The following PALM2AKAP2 variants were observed in gnomAD, a reference collection of about 807,000 sequenced individuals.
PALM2AKAP2 encodes the protein PALM2 and AKAP2 fusion, also known as PALM2-AKAP2 fusion protein.
Under a neutral mutation model 71.5 loss-of-function variants are expected in PALM2AKAP2, and 37 were observed. The observed-to-expected ratio is 0.52, with a 90% confidence interval of 0.40 to 0.68. PALM2AKAP2 has a LOEUF of 0.68. Ranked by LOEUF, PALM2AKAP2 falls within the 30% of genes least tolerant of loss-of-function variation. PALM2AKAP2 has a pLI of 0.00. For synonymous variants in PALM2AKAP2, 468 were observed against 478.8 expected, an observed-to-expected ratio of 0.98 and a Z score of 0.29; for missense variants, 1,224 against 1,191.8, an observed-to-expected ratio of 1.03 and a Z score of -0.40.
chr9:109,646,946 G>A (rs1304135141), intron 1 of PALM2AKAP2, among the ~76,000 whole-genome samples: 1 of 152,198 alleles, frequency 6.6e-6, no homozygotes, highest in East Asian at 1.9e-4. Flanking sequence ...TATGATGAAA[G>A]TAATGTATGC....
In PALM2AKAP2 at chr9:110,021,210, T is replaced by C. The variant is rs111921750; in HGVS notation, c.582+5171T>C. 3.7e-3 allele frequency among the ~76,000 whole-genome samples: 569 copies of C among 152,256 alleles called. 5 individuals are homozygous for C. Among genetic ancestry groups the C allele is most frequent in the African/African-American group, 0.013 (548 of 41,548 alleles). On this transcript the variant is annotated intron_variant, in intron 7 of 9. Transcript: ENST00000302798. ...TATAAGAGACAAAAGAGGATACTCA[T>C]ATACACAGAAGGCCATGTAAGGGGA...
intron 3 of PALM2AKAP2, among the ~76,000 whole-genome samples, chr9:109,915,787 A>C (rs1001009831): frequency 6.6e-6 from 1 of 152,126 alleles, no homozygotes; most frequent in Non-Finnish European, 1.5e-5. Context: ...GTATTATAAT[A>C]ATTATTATCA....
chr9:109,833,407 G>A (rs1295517844), intron 1 of PALM2AKAP2, among the ~76,000 whole-genome samples: 1 of 152,128 alleles, frequency 6.6e-6, no homozygotes, highest in African/African-American at 2.4e-5. Context: ...GTGCTGTGTA[G>A]TGAGCACCAT....
chr9:110,054,168 G>A (rs187306019), intron 1 of PALM2AKAP2, among the ~76,000 whole-genome samples: 3 of 152,346 alleles, frequency 2.0e-5, no homozygotes, highest in African/African-American at 2.4e-5. Context: ...GGGAGGCCGA[G>A]GTGGGTGAAT....
intron 1 of PALM2AKAP2, among the ~76,000 whole-genome samples, chr9:109,809,492 T>C (rs1389765934): frequency 6.6e-6 from 1 of 152,248 alleles, no homozygotes; most frequent in Non-Finnish European, 1.5e-5. Flanking sequence ...ATTTACCTAA[T>C]GCCTGTACCC....
At chr9:109,842,149 A>G (rs889109593) in intron 1 of PALM2AKAP2, among the ~76,000 whole-genome samples, 1 of 152,102 alleles carries the variant, frequency 6.6e-6, no homozygotes, top group African/African-American at 2.4e-5. Flanking sequence ...CTTCCCTAAG[A>G]GGGTTGTTGT....
intron 2 of PALM2AKAP2, among the ~76,000 whole-genome samples, chr9:109,868,837 G>T (rs576131745): frequency 8.7e-4 from 133 of 152,222 alleles, no homozygotes; most frequent in African/African-American, 2.9e-3. Context: ...CTGTATCCCC[G>T]GTGCTGTTGC....
At chr9:110,142,741 G>C (rs1836065267) in intron 2 of PALM2AKAP2, among the ~76,000 whole-genome samples, 1 of 152,222 alleles carries the variant, frequency 6.6e-6, no homozygotes, top group South Asian at 2.1e-4. Context: ...GCACATTTGA[G>C]ATATTTAAGA....
chr9:109,743,465 C>G (rs1337728868), intron 1 of PALM2AKAP2, among the ~76,000 whole-genome samples: 1 of 152,132 alleles, frequency 6.6e-6, no homozygotes, highest in Non-Finnish European at 1.5e-5. Context: ...GATCATCATA[C>G]AAATGGAGGG....
intron 6 of PALM2AKAP2, among the ~76,000 whole-genome samples, chr9:109,994,666 A>T (rs1159979049): frequency 1.3e-5 from 2 of 151,818 alleles, no homozygotes; most frequent in Non-Finnish European, 2.9e-5. Flanking sequence ...GTCCTGCATC[A>T]CTGGTCTTGC....
chr9:109,656,006 T>C (rs996481599), intron 1 of PALM2AKAP2, among the ~76,000 whole-genome samples: 4 of 152,184 alleles, frequency 2.6e-5, no homozygotes, highest in Non-Finnish European at 5.9e-5. Context: ...AAGTTGAGGC[T>C]ATTGAGGAAA....
chr9:109,729,475 G>A (rs1363083189), intron 1 of PALM2AKAP2, among the ~76,000 whole-genome samples: 2 of 152,206 alleles, frequency 1.3e-5, no homozygotes, highest in African/African-American at 2.4e-5. Flanking sequence ...CTAGCCATCT[G>A]ACTTTGAGCA....
chr9:109,832,274 C>T (rs542800606), intron 1 of PALM2AKAP2, among the ~76,000 whole-genome samples: 52 of 152,322 alleles, frequency 3.4e-4, no homozygotes, highest in African/African-American at 1.2e-3. Flanking sequence ...CTCTCTGAGT[C>T]GCTTACTAGT....
At chr9:109,986,748 T>C (rs906069369) in intron 6 of PALM2AKAP2, among the ~76,000 whole-genome samples, 1 of 152,252 alleles carries the variant, frequency 6.6e-6, no homozygotes, top group Non-Finnish European at 1.5e-5. Flanking sequence ...GTGTGTTTCA[T>C]ATGTTTTGAA....
chr9:109,812,491 C>T (rs192508641), intron 1 of PALM2AKAP2, among the ~76,000 whole-genome samples: 126 of 152,164 alleles, frequency 8.3e-4, no homozygotes, highest in African/African-American at 2.6e-3. Flanking sequence ...ACCCATCCAG[C>T]GGCACAATTT....
chr9:109,961,673 A>C (rs781164216), intron 6 of PALM2AKAP2, among the ~76,000 whole-genome samples: 3 of 152,216 alleles, frequency 2.0e-5, no homozygotes, highest in African/African-American at 4.8e-5. Flanking sequence ...CCACATCTGC[A>C]ACCAGCCTTT....
chr9:109,776,367 G>A (rs1829348591), upstream of PALM2AKAP2, among the ~76,000 whole-genome samples: 1 of 152,184 alleles, frequency 6.6e-6, no homozygotes, highest in African/African-American at 2.4e-5. Flanking sequence ...TTGGTCCCAA[G>A]CAACAGAAAT....
exon 4 of PALM2AKAP2, chr9:110,168,721 G>T: frequency 2.0e-6 from 1 of 512,414 alleles, no homozygotes; most frequent in Non-Finnish European, 3.3e-6. Context: ...GACTTTTTTG[G>T]TGACTCAATC....
chr9:109,652,570 A>G (rs973638393), intron 1 of PALM2AKAP2, among the ~76,000 whole-genome samples: 2 of 152,212 alleles, frequency 1.3e-5, no homozygotes, highest in African/African-American at 4.8e-5. Context: ...AGCAATGCAA[A>G]AACAGACTAA....
Sources: gnomAD v4.1 joint callset for allele counts (sites outside exome capture counted in the v4.1 genomes callset) on GRCh38, gnomAD v4.1.1 for gene constraint, MANE v1.5 for transcripts, NCBI Gene and HGNC (gene_info 2026-07-23, HGNC 2026-07-21) for gene names.